The following MAGI3 variants were observed in gnomAD, a reference collection of about 807,000 sequenced individuals.
MAGI3 encodes the protein membrane associated guanylate kinase, WW and PDZ domain containing 3.
MAGI3 carries 43 observed loss-of-function variants against 121.8 expected under a neutral mutation model. The observed-to-expected ratio is 0.35, with a 90% confidence interval of 0.28 to 0.46. The LOEUF (loss-of-function observed/expected upper bound fraction) is 0.46. MAGI3 is among the 20% of genes least tolerant of loss of function. MAGI3 has a pLI of 1.00. For missense variants in MAGI3, 1,547 were observed against 1,797.3 expected (o/e 0.86, Z 2.52); for synonymous variants, 553 against 639.3 (o/e 0.86, Z 2.04).
chr1:113,423,503 C>A (rs1427844264), intron 1 of MAGI3, among the ~76,000 whole-genome samples: 1 of 152,144 alleles, frequency 6.6e-6, no homozygotes, highest in African/African-American at 2.4e-5. Context: ...GATCTCCTGA[C>A]CTCATGATCT....
intron 1 of MAGI3, among the ~76,000 whole-genome samples, chr1:113,451,959 A>C (rs1263849757): frequency 6.6e-6 from 1 of 152,116 alleles, no homozygotes; most frequent in Non-Finnish European, 1.5e-5. Flanking sequence ...CTTCACAATT[A>C]CTTCCTTAGC....
chr1:113,450,459 A>C (rs1364243354), intron 1 of MAGI3: 5 of 1,108,164 alleles, frequency 4.5e-6, no homozygotes, highest in Non-Finnish European at 6.9e-6. Flanking sequence ...AGAGGGGGCT[A>C]TGGTGGTGGT....
intron 6 of MAGI3, among the ~76,000 whole-genome samples, chr1:113,597,301 T>G (rs1367647601): frequency 6.6e-5 from 10 of 152,158 alleles, no homozygotes; most frequent in African/African-American, 2.4e-4. Flanking sequence ...ACTGGTTGCC[T>G]TGGGCTAAGG....
rs186200942 is a variant in MAGI3, at chr1:113,515,160, A to T, written c.317-34355A>T. 1.0e-2 allele frequency among the ~76,000 whole-genome samples: 1,513 copies of T among 151,926 alleles called. 39 individuals carry two copies. Among genetic ancestry groups the T allele is most frequent in the African/African-American group, 0.035 (1,454 of 41,438 alleles). On this transcript the variant is annotated intron_variant, in intron 1 of 20. Transcript: ENST00000307546. ...AAACCATTTCTTGAGTAAAAATGGTAAAAAAAAATTTTTTTTTTGATCTCA... is the reference window on the plus strand; with the variant it reads ...AAACCATTTCTTGAGTAAAAATGGTTAAAAAAAATTTTTTTTTTGATCTCA...
Position 113,580,622 on chromosome 1 carries a change from G to C in MAGI3, c.514G>C (p.Glu172Gln). Residue 172 changes from glutamate (E) to glutamine (Q), a missense_variant, in exon 3 of 21, where the codon GAA becomes CAA. By Grantham distance (29) the Glu-to-Gln change is conservative. Transcript: ENST00000307546. ...FISVEQFKAL[E>Q]ESGALLESGT... is the part of the protein sequence containing the mutation. Reference sequence around the variant, plus strand: ...TTCCGTTGAACAGTTCAAAGCACTGGAAGAGAGTGGAGCATTGTTAGAAAG... The same window carrying C: ...TTCCGTTGAACAGTTCAAAGCACTGCAAGAGAGTGGAGCATTGTTAGAAAG... The C allele has an allele frequency of 2.5e-6, 4 of 1,610,554 alleles. No homozygotes were observed. Among genetic ancestry groups the C allele is most frequent in the Non-Finnish European group, 3.4e-6 (4 of 1,177,994 alleles).
chr1:113,449,563 T>G, intron 1 of MAGI3: 1 of 622,792 alleles, frequency 1.6e-6, no homozygotes, highest in East Asian at 2.7e-5. Flanking sequence ...TCCTGGAGAT[T>G]CTGGATAAAT....
intron 4 of MAGI3, among the ~76,000 whole-genome samples, chr1:113,587,420 T>C (rs1648441815): frequency 6.6e-6 from 1 of 152,214 alleles, no homozygotes; most frequent in Non-Finnish European, 1.5e-5. Flanking sequence ...GGTCTCGAAC[T>C]CCTGGCCTCT....
chr1:113,530,950 A>G (rs1376758781), intron 1 of MAGI3, among the ~76,000 whole-genome samples: 2 of 152,174 alleles, frequency 1.3e-5, no homozygotes, highest in Admixed American at 6.5e-5. Flanking sequence ...GAAAAAGAGA[A>G]ACAGCATACA....
At chr1:113,468,547 C>T (rs968154126) in intron 1 of MAGI3, among the ~76,000 whole-genome samples, 8 of 152,086 alleles carry the variant, frequency 5.3e-5, no homozygotes, top group Non-Finnish European at 1.0e-4. Context: ...CAGCTCACCA[C>T]TTTTATCATG....
chr1:113,593,924 TG>T (rs1281801787), intron 5 of MAGI3, among the ~76,000 whole-genome samples: 1 of 152,244 alleles, frequency 6.6e-6, no homozygotes, highest in Non-Finnish European at 1.5e-5. Flanking sequence ...TACTTGCATG[TG>T]GCAGAAACAG....
At chr1:113,527,291 A>T (rs1379504758) in intron 1 of MAGI3, among the ~76,000 whole-genome samples, 2 of 152,082 alleles carry the variant, frequency 1.3e-5, no homozygotes, top group Non-Finnish European at 2.9e-5. Flanking sequence ...GGATTTGCTG[A>T]GTTTGAGAGG....
At chr1:113,669,092 TC>T (rs1300850951) in intron 16 of MAGI3, among the ~76,000 whole-genome samples, 2 of 152,158 alleles carry the variant, frequency 1.3e-5, no homozygotes, top group East Asian at 3.9e-4. Flanking sequence ...TACAAGTATC[TC>T]CCAGTCATCT....
rs550729956 is a variant in MAGI3 at position 113,625,538 on chromosome 1, C to T, written c.1360+2544C>T. Among the ~76,000 whole-genome samples, 7 of 152,136 alleles carry T rather than the reference C, an allele frequency of 4.6e-5. No homozygotes were observed. In the South Asian group the frequency reaches 6.2e-4, roughly 14 times the overall value. Reference sequence around the variant, plus strand: ...AGAAAGGCTACTGATTTTTGTATGTCGCTTTTGTATCCTGCAACTTTACTG... The same window carrying T: ...AGAAAGGCTACTGATTTTTGTATGTTGCTTTTGTATCCTGCAACTTTACTG... On this transcript the variant is annotated intron_variant, in intron 9 of 20. Coordinates refer to ENST00000307546, the MANE Select transcript of MAGI3 (RefSeq NM_001142782.2).
At chr1:113,491,096 G>A (rs1033841634) in intron 1 of MAGI3, among the ~76,000 whole-genome samples, 1 of 152,056 alleles carries the variant, frequency 6.6e-6, no homozygotes, top group African/African-American at 2.4e-5. Context: ...TTGTCACATG[G>A]AACATACTCT....
intron 2 of MAGI3, among the ~76,000 whole-genome samples, chr1:113,550,764 A>G (rs563034544): frequency 4.1e-4 from 62 of 151,122 alleles, no homozygotes; most frequent in South Asian, 2.5e-3. Context: ...ACTCAAAAAA[A>G]AAAAAGAAAA....
At chr1:113,591,619 A>G (rs1280115255) in intron 5 of MAGI3, among the ~76,000 whole-genome samples, 1 of 152,184 alleles carries the variant, frequency 6.6e-6, no homozygotes, top group Non-Finnish European at 1.5e-5. Flanking sequence ...ATTGCACATT[A>G]TTGATGAGGT....
Position 113,423,198 on chromosome 1 carries a change from C to T in MAGI3, c.316+31849C>T, listed in dbSNP as rs535911905. ...AACAACTCTCAGTGGAGAAGAGACC[C>T]AAAGCGCGTAGTTCCTATCTGCAGG... On this transcript the variant is annotated intron_variant, in intron 1 of 20. Coordinates refer to ENST00000307546, the MANE Select transcript of MAGI3 (RefSeq NM_001142782.2). Among the ~76,000 whole-genome samples, 34 of 149,068 alleles carry T rather than the reference C, an allele frequency of 2.3e-4. 1 individual carries two copies. The highest frequency in any genetic ancestry group is 8.1e-4 in the Admixed American group (12 of 14,828).
At chr1:113,649,109 C>A in intron 12 of MAGI3, 128 bp from the exon 13 acceptor site, 1 of 608,472 alleles carries the variant, frequency 1.6e-6, no homozygotes, top group Non-Finnish European at 2.7e-6. Flanking sequence ...GCAAATTTTC[C>A]ATATTAAAAA....
intron 1 of MAGI3, among the ~76,000 whole-genome samples, chr1:113,524,128 G>T (rs1382948964): frequency 6.6e-6 from 1 of 152,166 alleles, no homozygotes; most frequent in Non-Finnish European, 1.5e-5. Context: ...TTGAGATTTG[G>T]AAACCTCTGC....
Sources: allele counts gnomAD v4.1 joint callset (sites outside exome capture counted in the v4.1 genomes callset), GRCh38; gene constraint gnomAD v4.1.1; transcripts MANE v1.5; gene names NCBI Gene and HGNC (gene_info 2026-07-23, HGNC 2026-07-21).